ANKRD36: variants seen among roughly 807,000 people sequenced by gnomAD.
The protein encoded by ANKRD36 is ankyrin repeat domain-containing protein 36A.
A neutral mutation model predicts 278.1 loss-of-function variants in ANKRD36; 179 were observed. That is an observed-to-expected ratio of 0.64 (90% confidence interval 0.57 to 0.73). ANKRD36 has a LOEUF of 0.73. Ranked by LOEUF, ANKRD36 falls within the 30% of genes least tolerant of loss-of-function variation. The pLI is 0.00. For missense variants in ANKRD36, 1,159 were observed against 1,956.7 expected (o/e 0.59, Z 7.69); for synonymous variants, 320 against 641.1 (o/e 0.50, Z 7.57).
chr2:97,202,787 G>A (rs1343455833), intron 48 of ANKRD36, among the ~76,000 whole-genome samples: 38 of 151,892 alleles, frequency 2.5e-4, no homozygotes, highest in Admixed American at 9.2e-4. Context: ...GTAATAACCC[G>A]TACACACTGT....
chr2:97,201,162 A>C (rs1206608985), intron 46 of ANKRD36, among the ~76,000 whole-genome samples: 3 of 151,912 alleles, frequency 2.0e-5, no homozygotes, highest in Non-Finnish European at 4.4e-5. Flanking sequence ...GCATAAAAAC[A>C]CAATAACTCA....
intron 3 of ANKRD36, among the ~76,000 whole-genome samples, chr2:97,121,709 A>G (rs375458116): frequency 1.3e-5 from 2 of 152,102 alleles, no homozygotes; most frequent in Non-Finnish European, 1.5e-5. Context: ...TAAATAATTC[A>G]TATAGGTCAT....
At chr2:97,211,251 CTT>C (rs2064478139) in intron 56 of ANKRD36, among the ~76,000 whole-genome samples, 1 of 151,920 alleles carries the variant, frequency 6.6e-6, no homozygotes, top group Non-Finnish European at 1.5e-5. Context: ...TTTTAGATCA[CTT>C]TGTCCTCATC....
intron 67 of ANKRD36, among the ~76,000 whole-genome samples, chr2:97,226,738 C>A (rs1259101627): frequency 6.6e-6 from 1 of 151,568 alleles, no homozygotes; most frequent in Non-Finnish European, 1.5e-5. Context: ...AGGTTTTCTT[C>A]TAGGGTTTTT....
chr2:97,178,256 G>A (rs1237202111), intron 22 of ANKRD36, among the ~76,000 whole-genome samples: 1 of 151,924 alleles, frequency 6.6e-6, no homozygotes, highest in Non-Finnish European at 1.5e-5. Context: ...CAACCATTGT[G>A]GAAGTCAGTG....
In ANKRD36 at chr2:97,184,699, C is replaced by T. The variant is rs1252956806; in HGVS notation, c.1940-617C>T. Among the ~76,000 whole-genome samples, 4 of 151,628 alleles carry T rather than the reference C, an allele frequency of 2.6e-5. No individual in the cohort carries two copies. The Admixed American group carries it at 2.6e-4, about 10-fold the overall frequency. On this transcript the variant is annotated intron_variant, in intron 28 of 75. Coordinates refer to ENST00000420699, the MANE Select transcript of ANKRD36 (RefSeq NM_001354587.1). Reference sequence around the variant, plus strand: ...ATGAAGAAAATTACTGAAGGCTAAACTAGAGGATACAAGAAATGTAGGCAG... The same window carrying T: ...ATGAAGAAAATTACTGAAGGCTAAATTAGAGGATACAAGAAATGTAGGCAG...
At chr2:97,214,365 C>T (rs1259483929) in intron 60 of ANKRD36, among the ~76,000 whole-genome samples, 2 of 130,780 alleles carry the variant, frequency 1.5e-5, no homozygotes, top group Non-Finnish European at 3.2e-5. Context: ...AATACATTGG[C>T]TTCATTGATC....
chr2:97,195,235 G>T (rs1362791188), intron 40 of ANKRD36, among the ~76,000 whole-genome samples: 2 of 151,964 alleles, frequency 1.3e-5, no homozygotes, highest in Admixed American at 1.3e-4. Context: ...TACGGAGAAG[G>T]AGAGGAAGTA....
chr2:97,171,300 C>T (rs2052412191), intron 22 of ANKRD36, among the ~76,000 whole-genome samples: 1 of 146,352 alleles, frequency 6.8e-6, no homozygotes, highest in African/African-American at 2.5e-5. Flanking sequence ...TGGAACCAAC[C>T]CAAATGTCCA....
At chr2:97,151,039 A>G (rs2045827314) in intron 12 of ANKRD36, among the ~76,000 whole-genome samples, 1 of 152,136 alleles carries the variant, frequency 6.6e-6, no homozygotes, top group East Asian at 1.9e-4. Flanking sequence ...AATGCTAACC[A>G]GTATTATTAG....
chr2:97,140,327 T>C (rs1036513568), intron 6 of ANKRD36, among the ~76,000 whole-genome samples: 2 of 151,900 alleles, frequency 1.3e-5, no homozygotes, highest in African/African-American at 4.8e-5. Context: ...TTATGTTCAA[T>C]AACATTTCAG....
At chr2:97,216,814 G>A (rs2066049367) in intron 62 of ANKRD36, 2 of 506,542 alleles carry the variant, frequency 3.9e-6, no homozygotes, top group Non-Finnish European at 6.9e-6. Context: ...AAAGACCTGT[G>A]GGATCAAGTA....
At chr2:97,136,445 G>A (rs1482634815) in intron 6 of ANKRD36, among the ~76,000 whole-genome samples, 3 of 151,384 alleles carry the variant, frequency 2.0e-5, no homozygotes, top group Non-Finnish European at 3.0e-5. Context: ...CAAAGAGGGG[G>A]TCCTGGGAAA....
intron 14 of ANKRD36, 38 bp downstream of exon 14, chr2:97,152,572 T>A: frequency 6.9e-7 from 1 of 1,444,310 alleles, no homozygotes; most frequent in Non-Finnish European, 9.4e-7. Flanking sequence ...ATATGTTAAC[T>A]AAGTGAATAG....
In ANKRD36 at chr2:97,122,990, G is replaced by T. The variant is rs138036717; in HGVS notation, c.590G>T (p.Gly197Val). 2.5e-5 allele frequency: 38 copies of T among 1,538,822 alleles called. No individual in the cohort carries two copies. The highest frequency in any genetic ancestry group is 8.0e-5 in the Admixed American group (4 of 49,870). Residue 197 changes from glycine to valine, a missense_variant, in exon 4 of 76, where the codon GGC becomes GTC. Gly to Val is a moderately radical substitution (Grantham distance 109, BLOSUM62 -3). Coordinates refer to ENST00000420699, the MANE Select transcript of ANKRD36 (RefSeq NM_001354587.1). ...KANVNAIDYL[G>V]RSALIHAVTL... ...AATGTAAATGCCATTGATTATCTTG[G>T]CAGGTACAGACCTTAGTTCTTATTG...
Position 97,113,695 on chromosome 2 carries a change from G to T in ANKRD36, c.-45G>T. On this transcript the variant is annotated 5_prime_UTR_variant, in exon 1 of 76. Coordinates refer to ENST00000420699, the MANE Select transcript of ANKRD36 (RefSeq NM_001354587.1). The stretch of plus-strand genomic sequence containing the variant: ...TCTTCGGAGGCGGCGATCCCCGAAG[G>T]CGAGCTGAAATACGGCTGCAGGCTA... The T allele has an allele frequency of 6.2e-7, 1 of 1,610,614 alleles. No homozygotes were observed. Among genetic ancestry groups the T allele is most frequent in the Non-Finnish European group, 8.5e-7 (1 of 1,179,328 alleles).
chr2:97,146,940 G>A (rs1335449930), intron 11 of ANKRD36, among the ~76,000 whole-genome samples: 2 of 151,848 alleles, frequency 1.3e-5, no homozygotes, highest in Admixed American at 1.3e-4. Flanking sequence ...TAGAAGCCTA[G>A]ATACTCCAAA....
At chr2:97,213,201 A>G (rs1386268624) in intron 58 of ANKRD36, 9 of 194,762 alleles carry the variant, frequency 4.6e-5, no homozygotes, top group African/African-American at 7.8e-5. Flanking sequence ...ATGACAAATC[A>G]TGCCATGTTT....
chr2:97,118,024 T>G, intron 1 of ANKRD36, 40 bp from the exon 2 acceptor site: 1 of 1,539,318 alleles, frequency 6.5e-7, no homozygotes, highest in Non-Finnish European at 8.8e-7. Flanking sequence ...TAATTAATGC[T>G]TACAGTTACA....
Sources: allele counts gnomAD v4.1 joint callset (sites outside exome capture counted in the v4.1 genomes callset), GRCh38; gene constraint gnomAD v4.1.1; transcripts MANE v1.5; gene names NCBI Gene and HGNC (gene_info 2026-07-23, HGNC 2026-07-21).